The following FAM110B variants were observed in gnomAD, a reference collection of about 807,000 sequenced individuals.
FAM110B encodes the protein family with sequence similarity 110 member B, also known as protein FAM110B.
A neutral mutation model predicts 20.4 loss-of-function variants in FAM110B; 6 were observed. The ratio of observed to expected loss-of-function variants is 0.29; its 90% CI spans 0.16 to 0.58. The LOEUF is 0.58. FAM110B is among the 20% of genes least tolerant of loss of function. The pLI, the probability that FAM110B is intolerant of heterozygous loss-of-function variation, is 0.90. For synonymous variants in FAM110B, 226 were observed against 214.1 expected, an observed-to-expected ratio of 1.06 and a Z score of -0.49; for missense variants, 434 against 498.2, an observed-to-expected ratio of 0.87 and a Z score of 1.23.
chr8:58,059,062 G>T (rs1805605490), intron 2 of FAM110B, among the ~76,000 whole-genome samples: 1 of 152,048 alleles, frequency 6.6e-6, no homozygotes, highest in African/African-American at 2.4e-5. Context: ...TCTTTGCATT[G>T]GTTCCTGTCA....
chr8:58,145,159 A>C (rs1585923803), intron 3 of FAM110B, among the ~76,000 whole-genome samples: 1 of 152,272 alleles, frequency 6.6e-6, no homozygotes, highest in South Asian at 2.1e-4. Context: ...TTATCTACTC[A>C]TATGGTAAAT....
intron 3 of FAM110B, among the ~76,000 whole-genome samples, chr8:58,084,477 C>T (rs1159469316): frequency 6.6e-6 from 1 of 151,756 alleles, no homozygotes; most frequent in Non-Finnish European, 1.5e-5. Context: ...GCAGCCTCCG[C>T]CTCCCTGGTT....
intron 2 of FAM110B, among the ~76,000 whole-genome samples, chr8:58,069,029 A>G (rs1191575756): frequency 6.6e-6 from 1 of 152,262 alleles, no homozygotes; most frequent in Non-Finnish European, 1.5e-5. Context: ...AAGTGAAAGT[A>G]GTGACTATTA....
At chr8:58,078,613 C>G in intron 3 of FAM110B, among the ~76,000 whole-genome samples, 1 of 133,210 alleles carries the variant, frequency 7.5e-6, no homozygotes, top group East Asian at 2.2e-4. Flanking sequence ...TGCAGTGGTG[C>G]GATCTCGGCT....
chr8:57,995,895 A>G (rs546912351), intron 1 of FAM110B, among the ~76,000 whole-genome samples: 16 of 152,376 alleles, frequency 1.1e-4, no homozygotes, highest in Non-Finnish European at 1.3e-4. Context: ...TAACTGGTCT[A>G]TTTCTCAAAA....
chr8:58,056,649 A>T (rs532550781), intron 2 of FAM110B, among the ~76,000 whole-genome samples: 11 of 152,196 alleles, frequency 7.2e-5, no homozygotes, highest in Non-Finnish European at 1.3e-4. Flanking sequence ...ATGAGAACTT[A>T]GTTTGTTCAG....
intron 1 of FAM110B, among the ~76,000 whole-genome samples, chr8:57,998,870 G>T (rs1804236453): frequency 6.6e-6 from 1 of 152,154 alleles, no homozygotes; most frequent in South Asian, 2.1e-4. Context: ...TGATCCTTTT[G>T]TAATATAAAA....
chr8:58,074,635 G>A lies in FAM110B; in HGVS notation c.-413-900G>A, dbSNP rs566637192. Among the ~76,000 whole-genome samples, 3 of 152,264 alleles carry A rather than the reference G, an allele frequency of 2.0e-5. No individual in the cohort carries two copies. The South Asian group carries it at 6.2e-4, about 32-fold the overall frequency. ...CCCCCAGAGCCTTGAATAGTACTTG[G>A]TCCATAGAAAGTGTTCAGCCAGTAC... On this transcript the variant is annotated intron_variant, in intron 2 of 3. Transcript: ENST00000519262.
chr8:58,065,505 C>G (rs1805742189), intron 2 of FAM110B, among the ~76,000 whole-genome samples: 1 of 152,092 alleles, frequency 6.6e-6, no homozygotes, highest in Non-Finnish European at 1.5e-5. Flanking sequence ...AAGCTAAAGT[C>G]TTAGGATGAC....
chr8:58,130,381 T>TA (rs1339076928), intron 3 of FAM110B, among the ~76,000 whole-genome samples: 3 of 152,206 alleles, frequency 2.0e-5, no homozygotes, highest in African/African-American at 7.2e-5. Context: ...AACCTAAAGT[T>TA]AGAGAGACGA....
intron 3 of FAM110B, among the ~76,000 whole-genome samples, chr8:58,127,339 T>G (rs1038799700): frequency 6.6e-6 from 1 of 152,238 alleles, no homozygotes; most frequent in African/African-American, 2.4e-5. Flanking sequence ...TGATTCCTCA[T>G]TCTTTATTCT....
At position 58,053,023 on chromosome 8, in the gene FAM110B, G is replaced by C. The variant is rs565468004; in HGVS notation, c.-414+21320G>C. Among the ~76,000 whole-genome samples, 100 of 151,400 alleles carry C rather than the reference G, an allele frequency of 6.6e-4. 1 individual carries two copies. The highest frequency in any genetic ancestry group is 2.3e-3 in the African/African-American group (95 of 41,060). ...GATGGTCTCGATCTCCTGACCTCGT[G>C]ATCCGCCCGCCTCGGCCTCCCAAAG... On this transcript the variant is annotated intron_variant, in intron 2 of 3. Transcript: ENST00000519262.
At chr8:58,007,968 T>C (rs1425889199) in intron 1 of FAM110B, among the ~76,000 whole-genome samples, 1 of 152,192 alleles carries the variant, frequency 6.6e-6, no homozygotes, top group Non-Finnish European at 1.5e-5. Flanking sequence ...CTGTAAGATA[T>C]ATTTTTTCTA....
At chr8:58,101,337 A>G (rs935026241) in intron 3 of FAM110B, among the ~76,000 whole-genome samples, 24 of 152,224 alleles carry the variant, frequency 1.6e-4, no homozygotes, top group African/African-American at 5.8e-4. Flanking sequence ...AGTCTTGACC[A>G]TTTGTGTGTT....
At chr8:58,135,800 C>T (rs922588826) in intron 3 of FAM110B, among the ~76,000 whole-genome samples, 1 of 152,106 alleles carries the variant, frequency 6.6e-6, no homozygotes, top group South Asian at 2.1e-4. Context: ...CTCCTCTATA[C>T]AAGGGGATCA....
At chr8:58,142,171 T>C (rs1803756838) in intron 3 of FAM110B, among the ~76,000 whole-genome samples, 2 of 152,218 alleles carry the variant, frequency 1.3e-5, no homozygotes, top group Admixed American at 6.5e-5. Context: ...AGACTTTTGC[T>C]CATTCAGAGA....
intron 3 of FAM110B, among the ~76,000 whole-genome samples, chr8:58,136,942 G>A (rs1276807523): frequency 1.3e-5 from 2 of 152,098 alleles, no homozygotes; most frequent in Non-Finnish European, 2.9e-5. Flanking sequence ...AGATTTGACC[G>A]GCTATTTTTC....
chr8:58,052,987 G>T (rs1026550864), intron 2 of FAM110B, among the ~76,000 whole-genome samples: 1 of 150,508 alleles, frequency 6.6e-6, no homozygotes, highest in Non-Finnish European at 1.5e-5. Context: ...GGGTTTCACC[G>T]TGTTAGCCAG....
At chr8:58,035,105 T>C (rs1406863604) in intron 2 of FAM110B, among the ~76,000 whole-genome samples, 1 of 152,226 alleles carries the variant, frequency 6.6e-6, no homozygotes, top group Non-Finnish European at 1.5e-5. Flanking sequence ...GTGCTACTTT[T>C]TAAATATAAA....
Sources: gnomAD v4.1 joint callset for allele counts (sites outside exome capture counted in the v4.1 genomes callset) on GRCh38, gnomAD v4.1.1 for gene constraint, MANE v1.5 for transcripts, NCBI Gene and HGNC (gene_info 2026-07-23, HGNC 2026-07-21) for gene names.